Variants in RGS7 observed in about 807,000 individuals in gnomAD.
RGS7 encodes the protein regulator of G-protein signaling 7.
Under a neutral mutation model 81.1 loss-of-function variants are expected in RGS7, and 27 were observed. The observed-to-expected ratio is 0.33, with a 90% CI of 0.25 to 0.46. The LOEUF (loss-of-function observed/expected upper bound fraction) is 0.46. Ranked by LOEUF, RGS7 falls within the 20% of genes least tolerant of loss-of-function variation. The pLI is 1.00. For missense variants in RGS7, 396 were observed against 607.4 expected, an observed-to-expected ratio of 0.65 and a Z score of 3.66; for synonymous variants, 208 against 207.7, an observed-to-expected ratio of 1.00 and a Z score of -0.01.
Position 241,259,667 on chromosome 1 carries a change from A to AAAAATATATAT in RGS7, c.78+96031_78+96032insATATATATTTT. Among the ~76,000 whole-genome samples, 3 of 49,144 alleles carry AAAAATATATAT rather than the reference A, an allele frequency of 6.1e-5. No individual in the cohort carries two copies. In the Admixed American group the frequency reaches 1.2e-3, roughly 19 times the overall value. 32.2% of individuals were successfully genotyped at this position (49,144 alleles called of 152,430 possible). A position where few individuals can be genotyped will look rare whatever the true frequency, so the allele number is the denominator to read the frequency against. On this transcript the variant is annotated intron_variant, in intron 2 of 18. Coordinates refer to ENST00000440928, the MANE Select transcript of RGS7 (RefSeq NM_001364886.1). ...CTCCGTCTCAAAAAAAAAAAAAAAAAATATATATATATATATATAATTAAA... is the reference window on the plus strand; with the variant it reads ...CTCCGTCTCAAAAAAAAAAAAAAAAAAAAATATATATATATATATATATATATATAATTAAA...
At chr1:240,964,233 C>T (rs1038852315) in intron 4 of RGS7, among the ~76,000 whole-genome samples, 1 of 152,056 alleles carries the variant, frequency 6.6e-6, no homozygotes, top group Non-Finnish European at 1.5e-5. Context: ...TTGAGAATGA[C>T]TGAGAATGTA....
rs545523980 is a variant in RGS7 at position 241,344,377 on chromosome 1, C to G, written c.78+11322G>C. 2.6e-5 allele frequency among the ~76,000 whole-genome samples: 4 copies of G among 152,340 alleles called. No homozygotes were observed. In the South Asian group the frequency reaches 8.3e-4, roughly 32 times the overall value. The stretch of plus-strand genomic sequence containing the variant: ...AGAAAATATTCCTTAGATGTCATCA[C>G]TTCCATTGGTAGGAAAATCCATGTC... On this transcript the variant is annotated intron_variant, in intron 2 of 18. Coordinates refer to ENST00000440928, the MANE Select transcript of RGS7 (RefSeq NM_001364886.1).
rs1170848525 is a variant in RGS7, at chr1:240,810,463, T to G, written c.1082+1455A>C. On this transcript the variant is annotated intron_variant, in intron 14 of 18. Transcript: ENST00000440928. Reference sequence around the variant, plus strand: ...ATGCATTCTTTTTTTTTTTTTTTTTTTGAGACAGAGTCTTGCTCTGTTGCC... The same window carrying G: ...ATGCATTCTTTTTTTTTTTTTTTTTGTGAGACAGAGTCTTGCTCTGTTGCC... Among the ~76,000 whole-genome samples, 765 of 119,604 alleles carry G rather than the reference T, an allele frequency of 6.4e-3. 2 individuals are homozygous for G. Among genetic ancestry groups the G allele is most frequent in the African/African-American group, 0.019 (675 of 36,170 alleles). 78.5% of individuals were successfully genotyped at this position (119,604 alleles called of 152,430 possible). A position where few individuals can be genotyped will look rare whatever the true frequency, so the allele number is the denominator to read the frequency against.
chr1:240,979,482 A>C (rs1684619384), intron 4 of RGS7, among the ~76,000 whole-genome samples: 1 of 152,198 alleles, frequency 6.6e-6, no homozygotes, highest in African/African-American at 2.4e-5. Flanking sequence ...TCTTGGTTAG[A>C]AGACAACTCT....
At chr1:240,867,459 C>T (rs569875207) in intron 9 of RGS7, among the ~76,000 whole-genome samples, 86 of 152,146 alleles carry the variant, frequency 5.7e-4, no homozygotes, top group African/African-American at 1.9e-3. Flanking sequence ...AGGAAATATA[C>T]GAGGTTGTCT....
At chr1:241,115,240 A>G (rs1167093507) in intron 2 of RGS7, among the ~76,000 whole-genome samples, 1 of 152,100 alleles carries the variant, frequency 6.6e-6, no homozygotes, top group Non-Finnish European at 1.5e-5. Flanking sequence ...ACTGGAATAA[A>G]CTCTTTAAAA....
intron 6 of RGS7, among the ~76,000 whole-genome samples, chr1:240,879,125 T>C (rs1175279635): frequency 6.6e-6 from 1 of 152,178 alleles, no homozygotes; most frequent in Non-Finnish European, 1.5e-5. Context: ...CAATCCGGCT[T>C]GAGAGAGGTG....
At chr1:240,899,413 T>C (rs1669614613) in intron 6 of RGS7, among the ~76,000 whole-genome samples, 1 of 152,240 alleles carries the variant, frequency 6.6e-6, no homozygotes, top group African/African-American at 2.4e-5. Context: ...GTTTTAGCAA[T>C]GGCTGGTACC....
intron 18 of RGS7, among the ~76,000 whole-genome samples, chr1:240,784,574 A>G (rs1684735709): frequency 6.6e-6 from 1 of 151,570 alleles, no homozygotes; most frequent in Non-Finnish European, 1.5e-5. Flanking sequence ...TGAACCCGGG[A>G]GGCGGAGCTT....
chr1:241,057,981 T>C (rs6666414), intron 3 of RGS7, among the ~76,000 whole-genome samples: 19,533 of 152,100 alleles, frequency 0.13, 1,560 homozygotes, highest in African/African-American at 0.23. Context: ...CTTCCCCTCA[T>C]CCCACTAGGA....
intron 2 of RGS7, among the ~76,000 whole-genome samples, chr1:241,324,590 T>C (rs1222673609): frequency 6.6e-6 from 1 of 152,208 alleles, no homozygotes; most frequent in Non-Finnish European, 1.5e-5. Flanking sequence ...TAAATACTCT[T>C]CTGGAACACA....
intron 4 of RGS7, among the ~76,000 whole-genome samples, chr1:240,960,217 C>CTTCTTCTTTTTTTT (rs60911948): frequency 0.026 from 235 of 8,958 alleles, 9 homozygotes; most frequent in Non-Finnish European, 0.032. Flanking sequence ...TCTTCTTCTT[C>CTTCTTCTTTTTTTT]TTTTTTTTTT....
intron 2 of RGS7, among the ~76,000 whole-genome samples, chr1:241,110,878 T>A (rs2065468010): frequency 6.6e-6 from 1 of 151,782 alleles, no homozygotes. Flanking sequence ...AGAGATGGGG[T>A]TTCACCATGT....
intron 2 of RGS7, among the ~76,000 whole-genome samples, chr1:241,150,528 C>A (rs995342321): frequency 6.6e-6 from 1 of 152,102 alleles, no homozygotes; most frequent in South Asian, 2.1e-4. Flanking sequence ...TAAAATAAGG[C>A]TTATTTGGAT....
chr1:241,206,458 C>T (rs866550310), intron 2 of RGS7, among the ~76,000 whole-genome samples: 7 of 151,812 alleles, frequency 4.6e-5, no homozygotes, highest in African/African-American at 7.3e-5. Context: ...CTCTTGACCT[C>T]GTGATCTGCC....
intron 3 of RGS7, among the ~76,000 whole-genome samples, chr1:241,037,199 CG>C (rs937165771): frequency 3.6e-4 from 55 of 152,218 alleles, no homozygotes; most frequent in Admixed American, 1.8e-3. Flanking sequence ...CTAGGAAATA[CG>C]TATCAGAAGC....
chr1:241,346,116 T>C (rs1347722498), intron 2 of RGS7, among the ~76,000 whole-genome samples: 2 of 150,098 alleles, frequency 1.3e-5, no homozygotes, highest in East Asian at 3.9e-4. Context: ...TATTACATTA[T>C]TTGCTATCAG....
intron 6 of RGS7, among the ~76,000 whole-genome samples, chr1:240,914,759 A>G (rs1418508402): frequency 6.6e-6 from 1 of 152,210 alleles, no homozygotes; most frequent in Non-Finnish European, 1.5e-5. Context: ...CACAAAGAAA[A>G]AAAAAGCTGA....
chr1:241,355,718 T>G lies in RGS7; in HGVS notation c.59A>C (p.Asn20Thr). ...TSNGVADESPNMLVYRKMEDV... is the reference protein window; with the variant it reads ...TSNGVADESPTMLVYRKMEDV... ...TCTTACCTTTCTGTACACCAGCATG[T>G]TGGGTGATTCATCGGCCACCCCGTT... is the stretch of plus-strand genomic sequence containing the variant. The change falls in exon 2 of 19, where the codon AAC becomes ACC. Residue 20 changes from asparagine to threonine, a missense_variant. Coordinates refer to ENST00000440928, the MANE Select transcript of RGS7 (RefSeq NM_001364886.1). 1 of 1,614,086 alleles carries G rather than the reference T, an allele frequency of 6.2e-7. No homozygotes were observed. Among genetic ancestry groups the G allele is most frequent in the Non-Finnish European group, 8.5e-7 (1 of 1,179,932 alleles).
Sources: allele counts gnomAD v4.1 joint callset (sites outside exome capture counted in the v4.1 genomes callset), GRCh38; gene constraint gnomAD v4.1.1; transcripts MANE v1.5; gene names NCBI Gene and HGNC (gene_info 2026-07-23, HGNC 2026-07-21).